NKAIN2: variants seen among roughly 807,000 people sequenced by gnomAD.
NKAIN2 encodes the protein sodium/potassium transporting ATPase interacting 2, also known as sodium/potassium-transporting ATPase subunit beta-1-interacting protein 2.
Under a neutral mutation model 32.6 loss-of-function variants are expected in NKAIN2, and 14 were observed. The observed-to-expected ratio is 0.43, with a 90% confidence interval of 0.28 to 0.67. The LOEUF is 0.67. NKAIN2 is among the 30% of genes least tolerant of loss of function. The probability of loss-of-function intolerance (pLI) is 0.17; values close to 1 mark genes in which losing one functional copy is unlikely to be tolerated. For missense variants in NKAIN2, 198 were observed against 258.3 expected (o/e 0.77, Z 1.60); for synonymous variants, 80 against 87.2 (o/e 0.92, Z 0.46).
intron 1 of NKAIN2, among the ~76,000 whole-genome samples, chr6:123,993,633 C>T (rs1779500889): frequency 6.6e-6 from 1 of 152,132 alleles, no homozygotes; most frequent in Admixed American, 6.5e-5. Flanking sequence ...TTTTGACAAT[C>T]AGTGTTTCTA....
intron 4 of NKAIN2, among the ~76,000 whole-genome samples, chr6:124,701,138 TACACACACACACACGC>T (rs1774761546): frequency 8.4e-6 from 1 of 118,942 alleles, no homozygotes; most frequent in Non-Finnish European, 1.7e-5. Flanking sequence ...AGGAGAGAGA[TACACACACACACACGC>T]ACACACACAC....
chr6:124,796,605 C>G (rs1480830739), intron 5 of NKAIN2, among the ~76,000 whole-genome samples: 1 of 152,126 alleles, frequency 6.6e-6, no homozygotes, highest in African/African-American at 2.4e-5. Context: ...TCACTGCCAC[C>G]AGGCAGGAAT....
chr6:123,811,604 A>G (rs1773476184), intron 1 of NKAIN2, among the ~76,000 whole-genome samples: 1 of 150,554 alleles, frequency 6.6e-6, no homozygotes, highest in South Asian at 2.1e-4. Flanking sequence ...CATTTGAAAA[A>G]TAGGGCAAAT....
At chr6:124,131,203 G>T (rs1027316980) in intron 1 of NKAIN2, among the ~76,000 whole-genome samples, 1 of 152,130 alleles carries the variant, frequency 6.6e-6, no homozygotes, top group Admixed American at 6.5e-5. Context: ...GGAGTGCAAT[G>T]ACATGATCTT....
intron 1 of NKAIN2, among the ~76,000 whole-genome samples, chr6:124,111,164 T>G (rs77491853): frequency 0.035 from 5,370 of 152,192 alleles, 225 homozygotes; most frequent in East Asian, 0.1. Flanking sequence ...GATGCATGTC[T>G]GAGAAGAGTG....
chr6:124,416,982 C>CA (rs1223863291), intron 3 of NKAIN2, among the ~76,000 whole-genome samples: 1 of 152,136 alleles, frequency 6.6e-6, no homozygotes, highest in Non-Finnish European at 1.5e-5. Flanking sequence ...GGAGCAGTGT[C>CA]AGAGAAGGCC....
chr6:124,763,695 C>T (rs988146173), intron 4 of NKAIN2, among the ~76,000 whole-genome samples: 2 of 151,912 alleles, frequency 1.3e-5, no homozygotes, highest in Non-Finnish European at 2.9e-5. Context: ...TAAATGTTCT[C>T]GACATGAAAA....
chr6:124,740,864 A>T (rs752998342), intron 4 of NKAIN2, among the ~76,000 whole-genome samples: 6 of 151,900 alleles, frequency 3.9e-5, no homozygotes, highest in Non-Finnish European at 5.9e-5. Flanking sequence ...AAAAGTTTTA[A>T]GGACTTTGAG....
chr6:124,771,369 T>C (rs890542733), intron 4 of NKAIN2, among the ~76,000 whole-genome samples: 1 of 152,160 alleles, frequency 6.6e-6, no homozygotes, highest in African/African-American at 2.4e-5. Context: ...CTCAAAAAAA[T>C]TGATAATTGA....
chr6:124,288,492 T>C (rs1450454806), intron 2 of NKAIN2, among the ~76,000 whole-genome samples: 1 of 152,224 alleles, frequency 6.6e-6, no homozygotes, highest in Non-Finnish European at 1.5e-5. Flanking sequence ...ACCTCATGTT[T>C]CAAGAGTTTA....
At chr6:124,381,328 T>C (rs1424836801) in intron 3 of NKAIN2, among the ~76,000 whole-genome samples, 1 of 152,184 alleles carries the variant, frequency 6.6e-6, no homozygotes, top group Non-Finnish European at 1.5e-5. Context: ...TTTTTATATC[T>C]ATAAATATTC....
At chr6:124,329,702 C>T (rs958305522) in intron 2 of NKAIN2, among the ~76,000 whole-genome samples, 1 of 152,210 alleles carries the variant, frequency 6.6e-6, no homozygotes, top group Non-Finnish European at 1.5e-5. Context: ...ACAGTATCAT[C>T]TCCAAGTTAG....
chr6:123,848,778 A>T (rs190949385), intron 1 of NKAIN2, among the ~76,000 whole-genome samples: 1 of 152,282 alleles, frequency 6.6e-6, no homozygotes, highest in East Asian at 1.9e-4. Flanking sequence ...AATAGACAGA[A>T]TTCTGGGTCA....
At chr6:124,219,290 T>G (rs1791669980) in intron 1 of NKAIN2, among the ~76,000 whole-genome samples, 1 of 151,574 alleles carries the variant, frequency 6.6e-6, no homozygotes, top group African/African-American at 2.4e-5. Context: ...TTTCTTTTTT[T>G]TTTTTGAGAC....
intron 5 of NKAIN2, among the ~76,000 whole-genome samples, chr6:124,795,955 T>C (rs1179192777): frequency 1.3e-5 from 2 of 152,152 alleles, no homozygotes; most frequent in African/African-American, 2.4e-5. Context: ...GTTTCTGTTT[T>C]TTTCCATTGA....
At chr6:124,637,035 A>G (rs1783797299) in intron 3 of NKAIN2, among the ~76,000 whole-genome samples, 1 of 152,072 alleles carries the variant, frequency 6.6e-6, no homozygotes, top group Non-Finnish European at 1.5e-5. Context: ...AAAAGATAAT[A>G]GATGATAATC....
intron 4 of NKAIN2, among the ~76,000 whole-genome samples, chr6:124,789,963 C>T (rs2759380): frequency 0.92 from 139,162 of 151,998 alleles, 64,202 homozygotes; most frequent in East Asian, 1. Flanking sequence ...GCAGGGGGTA[C>T]GCCTTCCCTC....
At chr6:124,704,340 T>G (rs990835662) in intron 4 of NKAIN2, among the ~76,000 whole-genome samples, 1 of 151,992 alleles carries the variant, frequency 6.6e-6, no homozygotes, top group Non-Finnish European at 1.5e-5. Flanking sequence ...GTCACAAATG[T>G]TATAATTTCT....
chr6:123,998,747 G>C lies in NKAIN2; in HGVS notation c.54+194493G>C, dbSNP rs866833230. 3.3e-3 allele frequency among the ~76,000 whole-genome samples: 454 copies of C among 137,066 alleles called. 1 individual carries two copies. Among genetic ancestry groups the C allele is most frequent in the African/African-American group, 9.4e-3 (332 of 35,184 alleles). The allele number at this position is 137,066 out of a possible 152,430, so 89.9% of individuals were successfully genotyped here. Reference sequence around the variant, plus strand: ...TTGTTGTTTCTCTCTCTCTCTCTGTGTGTGTGTGTGTGTGTGTGTGTGTGT... The same window carrying C: ...TTGTTGTTTCTCTCTCTCTCTCTGTCTGTGTGTGTGTGTGTGTGTGTGTGT... On this transcript the variant is annotated intron_variant, in intron 1 of 6. Transcript: ENST00000368417.
Sources: allele counts gnomAD v4.1 joint callset (sites outside exome capture counted in the v4.1 genomes callset), GRCh38; gene constraint gnomAD v4.1.1; transcripts MANE v1.5; gene names NCBI Gene and HGNC (gene_info 2026-07-23, HGNC 2026-07-21).